The following FCHSD2 variants were observed in gnomAD, a reference collection of about 807,000 sequenced individuals.
FCHSD2 encodes FCH and double SH3 domains 2.
Under a neutral mutation model 108.1 loss-of-function variants are expected in FCHSD2, and 38 were observed. The ratio of observed to expected loss-of-function variants is 0.35; its 90% CI spans 0.27 to 0.46. FCHSD2 has a LOEUF of 0.46. FCHSD2 is among the 20% of genes least tolerant of loss of function. FCHSD2 has a pLI of 1.00. For missense variants in FCHSD2, 751 were observed against 897.8 expected (o/e 0.84, Z 2.09); for synonymous variants, 279 against 314.7 (o/e 0.89, Z 1.20).
intron 4 of FCHSD2, among the ~76,000 whole-genome samples, chr11:73,013,012 C>A (rs931106510): frequency 2.0e-5 from 3 of 152,184 alleles, no homozygotes; most frequent in African/African-American, 7.2e-5. Flanking sequence ...CTTCCTCACA[C>A]CCCTCGAATC....
intron 2 of FCHSD2, among the ~76,000 whole-genome samples, chr11:73,127,189 CA>C (rs1322215633): frequency 6.6e-6 from 1 of 152,150 alleles, no homozygotes; most frequent in African/African-American, 2.4e-5. Context: ...TAACACTTTT[CA>C]TAACACCAGA....
At chr11:72,978,050 C>A (rs1857139646) in intron 8 of FCHSD2, among the ~76,000 whole-genome samples, 3 of 152,066 alleles carry the variant, frequency 2.0e-5, no homozygotes, top group Admixed American at 6.6e-5. Context: ...TCTGAGCAAA[C>A]TACAGCAAGG....
At chr11:72,941,992 T>C (rs1219190959) in intron 8 of FCHSD2, among the ~76,000 whole-genome samples, 3 of 152,210 alleles carry the variant, frequency 2.0e-5, no homozygotes, top group Admixed American at 1.3e-4. Flanking sequence ...GTCATTAAAA[T>C]CACATTTTCA....
Position 73,018,952 on chromosome 11 carries a change from G to C in FCHSD2, c.166-3067C>G, listed in dbSNP as rs376604544. On this transcript the variant is annotated intron_variant, in intron 3 of 19. Coordinates refer to ENST00000409418, the MANE Select transcript of FCHSD2 (RefSeq NM_014824.3). ...AGGGTTCAATTAAGTCAAGATCTCA[G>C]AATTCAAATAACTCATTATCTGTAG... Among the ~76,000 whole-genome samples, 5 of 152,236 alleles carry C rather than the reference G, an allele frequency of 3.3e-5. No homozygotes were observed. The East Asian group carries it at 5.8e-4, about 18-fold the overall frequency.
At chr11:73,064,888 C>T (rs1859254382) in intron 3 of FCHSD2, among the ~76,000 whole-genome samples, 1 of 152,088 alleles carries the variant, frequency 6.6e-6, no homozygotes, top group Non-Finnish European at 1.5e-5. Context: ...TAAAAAAAGT[C>T]CAGGACCAGA....
intron 10 of FCHSD2, chr11:72,900,266 G>A: frequency 8.7e-7 from 1 of 1,152,660 alleles, no homozygotes; most frequent in East Asian, 5.2e-5. Flanking sequence ...CCTCAGCTAT[G>A]GTCATTCTCA....
rs537980 is a variant in FCHSD2 at position 72,980,199 on chromosome 11, A to G, written c.705+3889T>C. 3.6e-3 allele frequency among the ~76,000 whole-genome samples: 541 copies of G among 152,244 alleles called. 1 individual carries two copies. The highest frequency in any genetic ancestry group is 0.012 in the African/African-American group (519 of 41,542). On this transcript the variant is annotated intron_variant, in intron 8 of 19. Coordinates refer to ENST00000409418, the MANE Select transcript of FCHSD2 (RefSeq NM_014824.3). The stretch of plus-strand genomic sequence containing the variant: ...GCATAAAAGAGAAGGGGTAAGTTTG[A>G]GGTTTGAAGAGGGGGGAAAAGTTGA...
chr11:72,934,963 C>G (rs1207243347), intron 8 of FCHSD2, among the ~76,000 whole-genome samples: 2 of 152,110 alleles, frequency 1.3e-5, no homozygotes, highest in Non-Finnish European at 2.9e-5. Context: ...CAGCCACGTC[C>G]TTTCCAGGTA....
At chr11:73,000,969 G>A (rs1390166785) in intron 5 of FCHSD2, 21 bp downstream of exon 5, 1 of 1,581,594 alleles carries the variant, frequency 6.3e-7, no homozygotes, top group Non-Finnish European at 8.6e-7. Flanking sequence ...ATGCATATAA[G>A]AACAGAAATA....
chr11:72,966,570 G>A (rs934441356), intron 8 of FCHSD2, among the ~76,000 whole-genome samples: 3 of 152,078 alleles, frequency 2.0e-5, no homozygotes, highest in African/African-American at 7.2e-5. Context: ...AAAGAGACTG[G>A]TTTTTCATTT....
intron 3 of FCHSD2, among the ~76,000 whole-genome samples, chr11:73,079,583 T>C (rs1212683629): frequency 6.6e-6 from 1 of 152,114 alleles, no homozygotes; most frequent in African/African-American, 2.4e-5. Flanking sequence ...CCTGAAATAA[T>C]CAATGCATAC....
At chr11:72,852,885 A>G (rs1482259857) in intron 13 of FCHSD2, among the ~76,000 whole-genome samples, 2 of 152,218 alleles carry the variant, frequency 1.3e-5, no homozygotes, top group African/African-American at 4.8e-5. Context: ...AAACTAATAC[A>G]GGAAGAGAAA....
intron 3 of FCHSD2, among the ~76,000 whole-genome samples, chr11:73,018,340 T>G (rs1858019487): frequency 6.6e-6 from 1 of 152,194 alleles, no homozygotes; most frequent in Non-Finnish European, 1.5e-5. Context: ...TCTCATTCTT[T>G]GGGTCTTACT....
At chr11:72,928,869 C>G (rs1856131465) in intron 8 of FCHSD2, among the ~76,000 whole-genome samples, 1 of 152,098 alleles carries the variant, frequency 6.6e-6, no homozygotes, top group Admixed American at 6.5e-5. Flanking sequence ...CTATCCCTCC[C>G]CCCGTCCCCC....
chr11:72,887,128 G>A (rs570330823), intron 12 of FCHSD2, among the ~76,000 whole-genome samples: 132 of 148,980 alleles, frequency 8.9e-4, no homozygotes, highest in Non-Finnish European at 1.5e-3. Flanking sequence ...TATATAAGGA[G>A]ATATATATAT....
intron 3 of FCHSD2, among the ~76,000 whole-genome samples, chr11:73,017,672 G>C (rs972030912): frequency 6.6e-6 from 1 of 152,138 alleles, no homozygotes; most frequent in African/African-American, 2.4e-5. Flanking sequence ...CAAATACTAA[G>C]TCTTCCCTAA....
At chr11:72,882,505 GTTAATAA>G (rs1855111160) in intron 12 of FCHSD2, among the ~76,000 whole-genome samples, 1 of 152,120 alleles carries the variant, frequency 6.6e-6, no homozygotes, top group African/African-American at 2.4e-5. Context: ...AGGGTGACTA[GTTAATAA>G]TTAATTCAAA....
intron 2 of FCHSD2, among the ~76,000 whole-genome samples, chr11:73,125,579 T>G (rs778973074): frequency 1.3e-5 from 2 of 151,958 alleles, no homozygotes; most frequent in Non-Finnish European, 2.9e-5. Context: ...GTGGCACACA[T>G]CTGTAGTCTG....
At chr11:73,037,586 GTCGTCTTTAGATATTCTAA>G (rs1858529359) in intron 3 of FCHSD2, among the ~76,000 whole-genome samples, 1 of 152,002 alleles carries the variant, frequency 6.6e-6, no homozygotes, top group Admixed American at 6.6e-5. Context: ...CAATATTCTT[GTCGTCTTTAGATATTCTAA>G]TCCCACTTAC....
Sources: gnomAD v4.1 joint callset for allele counts (sites outside exome capture counted in the v4.1 genomes callset) on GRCh38, gnomAD v4.1.1 for gene constraint, MANE v1.5 for transcripts, NCBI Gene and HGNC (gene_info 2026-07-23, HGNC 2026-07-21) for gene names.